The following SDK1 variants were observed in gnomAD, a reference collection of about 807,000 sequenced individuals.
SDK1 encodes the protein protein sidekick-1.
SDK1 carries 157 observed loss-of-function variants against 245.5 expected under a neutral mutation model. The ratio of observed to expected loss-of-function variants is 0.64; its 90% confidence interval spans 0.56 to 0.73. The LOEUF (loss-of-function observed/expected upper bound fraction) is 0.73, where lower values mean the gene tolerates loss of function less well. SDK1 is among the 30% of genes least tolerant of loss of function. The pLI, the probability that SDK1 is intolerant of heterozygous loss-of-function variation, is 0.00. For synonymous variants in SDK1, 1,647 were observed against 1,278.5 expected, an observed-to-expected ratio of 1.29 and a Z score of -6.15; for missense variants, 3,583 against 3,002.3, an observed-to-expected ratio of 1.19 and a Z score of -4.52.
At chr7:3,639,255 G>T (rs1782570152) in intron 3 of SDK1, 145 bp downstream of exon 3, 1 of 464,438 alleles carries the variant, frequency 2.2e-6, no homozygotes, top group Non-Finnish European at 3.9e-6. Context: ...CTCAGTGAGA[G>T]ATAAGTAAGC....
At position 4,103,158 on chromosome 7, in the gene SDK1, G is replaced by C. The variant is rs10260706; in HGVS notation, c.3325-7505G>C. Among the ~76,000 whole-genome samples the C allele has an allele frequency of 8.4e-3, 1,267 of 151,542 alleles. 23 individuals are homozygous for C. The highest frequency in any genetic ancestry group is 0.03 in the African/African-American group (1,218 of 41,224). The stretch of plus-strand genomic sequence containing the variant: ...TGGGACTACAGGCGCCCGCCACCAC[G>C]TCCAGAGAATTTTTTGTATTTTTAG... On this transcript the variant is annotated intron_variant, in intron 22 of 44. Transcript: ENST00000404826.
Position 4,011,052 on chromosome 7 carries a change from C to A in SDK1, c.2218C>A (p.Gln740Lys). The A allele has an allele frequency of 6.2e-7, 1 of 1,614,166 alleles. No individual in the cohort carries two copies. Among genetic ancestry groups the A allele is most frequent in the Non-Finnish European group, 8.5e-7 (1 of 1,180,036 alleles). Residue 740 changes from glutamine to lysine, a missense_variant, in exon 15 of 45, where the codon CAA (glutamine) becomes AAA (lysine). Coordinates refer to ENST00000404826, the MANE Select transcript of SDK1 (RefSeq NM_152744.4). ...TGGCCTGACTCCGGCTCGTACCTAT[C>A]AATTCCGGGTGTGCGCGGTGAATGA... Reference protein sequence around the residue: ...VSGLTPARTYQFRVCAVNEVG... With the variant: ...VSGLTPARTYKFRVCAVNEVG...
At chr7:3,376,566 T>G (rs1781361000) in intron 1 of SDK1, among the ~76,000 whole-genome samples, 1 of 152,186 alleles carries the variant, frequency 6.6e-6, no homozygotes, top group South Asian at 2.1e-4. Flanking sequence ...AGAGGTCACA[T>G]TGTATTTACC....
chr7:4,125,897 C>A (rs183431541), intron 25 of SDK1, among the ~76,000 whole-genome samples: 64 of 152,312 alleles, frequency 4.2e-4, no homozygotes, highest in African/African-American at 1.4e-3. Flanking sequence ...AACTGAGGCA[C>A]AGGTGATCAG....
chr7:3,951,850 C>G lies in SDK1; in HGVS notation c.1080C>G (p.Tyr360Ter), dbSNP rs760406490. Residue 360 changes from tyrosine (Y) to a stop codon, truncating the protein, a stop_gained, in exon 7 of 45, where the codon TAC becomes TAG. Transcript: ENST00000404826. LOFTEE classifies it high-confidence loss of function. ...CGACGTCCGCGGACACCGGGCCATA[C>G]GTCTGCGAGGCGGCGCTGCCGGGGA... ...SNPTSADTGP[Y>*]VCEAALPGSA... is the part of the protein sequence containing the mutation. 1 of 1,613,794 alleles carries G rather than the reference C, an allele frequency of 6.2e-7. No homozygotes were observed. The highest frequency in any genetic ancestry group is 8.5e-7 in the Non-Finnish European group (1 of 1,180,016).
At chr7:3,522,048 ATC>A (rs984981863) in intron 1 of SDK1, among the ~76,000 whole-genome samples, 25 of 152,238 alleles carry the variant, frequency 1.6e-4, no homozygotes, top group African/African-American at 6.0e-4. Flanking sequence ...ATCATCTTAA[ATC>A]TTGACTTCAT....
chr7:4,017,133 T>C (rs1179079431), intron 16 of SDK1, 38 bp from the exon 17 acceptor site: 3 of 1,568,190 alleles, frequency 1.9e-6, no homozygotes, highest in African/African-American at 2.7e-5. Context: ...CTGGGTCCAG[T>C]TATTTCCTTA....
intron 1 of SDK1, among the ~76,000 whole-genome samples, chr7:3,525,251 C>T (rs529235881): frequency 7.9e-5 from 12 of 151,942 alleles, no homozygotes; most frequent in South Asian, 6.3e-4. Context: ...TATGCCTGTA[C>T]GTGATGATGG....
chr7:3,608,092 C>G (rs1181120175), intron 1 of SDK1, among the ~76,000 whole-genome samples: 3 of 152,240 alleles, frequency 2.0e-5, no homozygotes, highest in East Asian at 3.8e-4. Context: ...TGGTGCCAAA[C>G]TACACCAGCT....
intron 17 of SDK1, among the ~76,000 whole-genome samples, chr7:4,028,633 A>G (rs572628996): frequency 2.0e-5 from 3 of 152,372 alleles, no homozygotes; most frequent in Admixed American, 2.0e-4. Flanking sequence ...CTAGAATTTC[A>G]TAACACTTTA....
chr7:3,475,870 T>C (rs1482034950), intron 1 of SDK1, among the ~76,000 whole-genome samples: 4 of 152,222 alleles, frequency 2.6e-5, no homozygotes, highest in African/African-American at 9.6e-5. Flanking sequence ...GTACTTCTTA[T>C]TCATTGCGAC....
chr7:4,113,242 TCTTAC>T (rs1218364800), intron 23 of SDK1, 42 bp from the exon 24 acceptor site: 4 of 1,591,764 alleles, frequency 2.5e-6, no homozygotes, highest in Non-Finnish European at 3.4e-6. Context: ...TTCTTTTCCT[TCTTAC>T]CTTTGCTTTG....
Position 3,951,897 on chromosome 7 carries a change from C to T in SDK1, c.1127C>T (p.Ala376Val), listed in dbSNP as rs752082365. ...GGGAGCGCTTTTGAACCGGCCAGGGCGACGGCCTTTCTTTTCATCATAGGT... is the reference window on the plus strand; with the variant it reads ...GGGAGCGCTTTTGAACCGGCCAGGGTGACGGCCTTTCTTTTCATCATAGGT... ...LPGSAFEPAR[A>V]TAFLFIIEPP... is the part of the protein sequence containing the mutation. Residue 376 changes from alanine to valine, a missense_variant, in exon 7 of 45, where the codon GCG becomes GTG. By Grantham distance (64) the Ala-to-Val change is moderately conservative. Transcript: ENST00000404826. 1.1e-5 allele frequency: 18 copies of T among 1,612,924 alleles called. No individual in the cohort carries two copies. The East Asian group carries it at 1.6e-4, about 14-fold the overall frequency.
intron 1 of SDK1, among the ~76,000 whole-genome samples, chr7:3,382,138 A>G (rs1234939081): frequency 6.6e-6 from 1 of 151,662 alleles, no homozygotes; most frequent in Non-Finnish European, 1.5e-5. Flanking sequence ...TCAAACTTAA[A>G]CATTTTTTTT....
At chr7:4,062,128 A>G (rs1446579345) in intron 19 of SDK1, among the ~76,000 whole-genome samples, 1 of 151,528 alleles carries the variant, frequency 6.6e-6, no homozygotes, top group Non-Finnish European at 1.5e-5. Context: ...AACTTAAAGT[A>G]TAATAATAAT....
intron 1 of SDK1, among the ~76,000 whole-genome samples, chr7:3,580,770 G>A (rs769957804): frequency 6.6e-6 from 1 of 151,800 alleles, no homozygotes; most frequent in Non-Finnish European, 1.5e-5. Context: ...AGATTGAGAC[G>A]ATCCTGGCTA....
At chr7:3,602,319 C>T (rs931989453) in intron 1 of SDK1, among the ~76,000 whole-genome samples, 4 of 151,146 alleles carry the variant, frequency 2.6e-5, no homozygotes, top group South Asian at 2.1e-4. Flanking sequence ...TCCTATTTCT[C>T]CACATCCTCT....
intron 1 of SDK1, among the ~76,000 whole-genome samples, chr7:3,351,401 G>C (rs575658343): frequency 3.0e-4 from 45 of 152,154 alleles, no homozygotes; most frequent in African/African-American, 1.1e-3. Context: ...ACAGTATAGA[G>C]GAGGCAGGAA....
intron 1 of SDK1, among the ~76,000 whole-genome samples, chr7:3,449,433 G>T (rs1780445657): frequency 6.6e-6 from 1 of 151,426 alleles, no homozygotes; most frequent in Non-Finnish European, 1.5e-5. Context: ...TGATGAAGGA[G>T]AGGCAAAGTA....
Sources: allele counts gnomAD v4.1 joint callset (sites outside exome capture counted in the v4.1 genomes callset), GRCh38; gene constraint gnomAD v4.1.1; transcripts MANE v1.5; gene names NCBI Gene and HGNC (gene_info 2026-07-23, HGNC 2026-07-21).